Variants in TEX11 observed in about 807,000 individuals in gnomAD.
TEX11 encodes testis expressed 11.
TEX11 carries 7 observed loss-of-function variants against 84.4 expected under a neutral mutation model. That is an observed-to-expected ratio of 0.08 (90% CI 0.05 to 0.16). The LOEUF (loss-of-function observed/expected upper bound fraction) is 0.16. Among genes scored for constraint, TEX11 ranks in the 10% least tolerant of loss-of-function variants. TEX11 has a pLI of 1.00. For synonymous variants in TEX11, 264 were observed against 222.8 expected (o/e 1.18, Z -1.64); for missense variants, 551 against 660.5 (o/e 0.83, Z 1.82).
intron 18 of TEX11, 61 bp from the exon 19 acceptor site, chrX:70,624,985 C>G: frequency 2.5e-6 from 2 of 800,673 alleles, no homozygotes; most frequent in Non-Finnish European, 3.6e-6. Flanking sequence ...AAAATATTAT[C>G]TATATTCCTG....
intron 29 of TEX11, 32 bp downstream of exon 29, chrX:70,529,803 A>G (rs374801232): frequency 3.5e-5 from 41 of 1,178,967 alleles, no homozygotes; most frequent in Non-Finnish European, 4.4e-5. Context: ...CCCCTAGGTC[A>G]TGTCATCTGC....
At chrX:70,542,895 C>T (rs548312504) in intron 28 of TEX11, among the ~76,000 whole-genome samples, 2 of 112,517 alleles carry the variant, frequency 1.8e-5, no homozygotes, top group African/African-American at 6.4e-5. Context: ...AAATTAATCA[C>T]TGCAGGCTGG....
chrX:70,611,640 G>T (rs1266797348), intron 20 of TEX11, among the ~76,000 whole-genome samples: 1 of 111,474 alleles, frequency 9.0e-6, no homozygotes, highest in Non-Finnish European at 1.9e-5. Flanking sequence ...AACAAGTCTT[G>T]CCCTCAAGAG....
At chrX:70,698,587 A>G (rs2090300731) in intron 13 of TEX11, among the ~76,000 whole-genome samples, 1 of 109,484 alleles carries the variant, frequency 9.1e-6, no homozygotes, top group Admixed American at 9.8e-5. Flanking sequence ...AGGGGACAGG[A>G]AAAATTTGTG....
chrX:70,851,666 T>C (rs11094182), intron 7 of TEX11, among the ~76,000 whole-genome samples: 12 of 91,999 alleles, frequency 1.3e-4, no homozygotes, highest in East Asian at 3.6e-4. Flanking sequence ...ATTAAAAACA[T>C]ACACACACAC....
intron 25 of TEX11, among the ~76,000 whole-genome samples, chrX:70,589,315 T>A (rs921862928): frequency 9.1e-6 from 1 of 109,540 alleles, no homozygotes; most frequent in Non-Finnish European, 1.9e-5. Context: ...CTGAAGTCTA[T>A]ATATAAACTA....
Position 70,607,370 on chromosome X carries a change from C to T in TEX11, c.1880-341G>A, listed in dbSNP as rs1423392813. The stretch of plus-strand genomic sequence containing the variant: ...TTGGGAGACCAAGGCAGGAGGATTG[C>T]TGGAGGCCAGGAGTTCAGGACCAGC... On this transcript the variant is annotated intron_variant, in intron 22 of 29. Transcript: ENST00000374333. Among the ~76,000 whole-genome samples the T allele has an allele frequency of 2.7e-5, 3 of 110,645 alleles. No individual in the cohort carries two copies. In the East Asian group the frequency reaches 8.5e-4, roughly 31 times the overall value.
At chrX:70,639,398 G>A (rs1435863434) in intron 17 of TEX11, among the ~76,000 whole-genome samples, 6 of 112,062 alleles carry the variant, frequency 5.4e-5, no homozygotes, top group Non-Finnish European at 1.1e-4. Flanking sequence ...CGGGAAGCTC[G>A]AACTGAGTGG....
At chrX:70,678,464 G>GTT (rs57446987) in intron 15 of TEX11, among the ~76,000 whole-genome samples, 8,796 of 105,889 alleles carry the variant, frequency 0.083, 329 homozygotes, top group Non-Finnish European at 0.11. Flanking sequence ...TCTTGTAAAG[G>GTT]TTTTTTTTTC....
chrX:70,721,761 A>T (rs1376569904), intron 13 of TEX11, among the ~76,000 whole-genome samples: 1 of 112,046 alleles, frequency 8.9e-6, no homozygotes, highest in Non-Finnish European at 1.9e-5. Flanking sequence ...GGCAGAGTTG[A>T]CTAGTTGTGA....
chrX:70,661,461 C>T (rs1167429227), intron 16 of TEX11, among the ~76,000 whole-genome samples: 1 of 112,509 alleles, frequency 8.9e-6, no homozygotes, highest in Non-Finnish European at 1.9e-5. Flanking sequence ...AGGGCATAGC[C>T]AAACAAAAGG....
chrX:70,850,234 C>T (rs1470602593), intron 7 of TEX11, among the ~76,000 whole-genome samples: 3 of 111,845 alleles, frequency 2.7e-5, no homozygotes, highest in African/African-American at 9.7e-5. Flanking sequence ...CTGAGACAAA[C>T]ATCACTATAT....
In TEX11 at chrX:70,769,205, G is replaced by C. The variant is rs775879796; in HGVS notation, c.693-24986C>G. Among the ~76,000 whole-genome samples the C allele has an allele frequency of 9.0e-5, 10 of 111,114 alleles. No homozygotes were observed. In the South Asian group the frequency reaches 3.8e-3, roughly 42 times the overall value. On this transcript the variant is annotated intron_variant, in intron 9 of 29. Transcript: ENST00000374333. ...ACTAAGCATAAATCAAGCACAGAGG[G>C]GGGAAATTATAGATTACAATGGAAA...
intron 28 of TEX11, among the ~76,000 whole-genome samples, chrX:70,534,084 C>T (rs2147928223): frequency 1.3e-5 from 1 of 74,488 alleles, no homozygotes; most frequent in Non-Finnish European, 2.5e-5. Context: ...GAGCGAGACT[C>T]CATCTCAAAA....
the TEX11 span, among the ~76,000 whole-genome samples, chrX:70,519,815 T>C: frequency 4.5e-4 from 50 of 111,984 alleles, no homozygotes; most frequent in African/African-American, 1.6e-3. Flanking sequence ...TGTCTGTTTC[T>C]TTTTACTCTT....
At chrX:70,774,359 G>A (rs779039765) in intron 9 of TEX11, among the ~76,000 whole-genome samples, 4 of 108,015 alleles carry the variant, frequency 3.7e-5, no homozygotes, top group Admixed American at 3.0e-4. Context: ...ATTCAAAATA[G>A]TACTGGAAGT....
chrX:70,883,182 C>CTA (rs921762790), intron 2 of TEX11, among the ~76,000 whole-genome samples: 1 of 111,615 alleles, frequency 9.0e-6, no homozygotes, highest in South Asian at 3.7e-4. Context: ...CAGGGTCTTG[C>CTA]TATGTTGCCC....
At chrX:70,523,682 T>C in the TEX11 span, among the ~76,000 whole-genome samples, 1 of 109,270 alleles carries the variant, frequency 9.2e-6, no homozygotes, top group Non-Finnish European at 1.9e-5. Flanking sequence ...GCCAGGATGG[T>C]CTTGATCTCC....
At chrX:70,670,876 T>C in intron 15 of TEX11, among the ~76,000 whole-genome samples, 1 of 112,232 alleles carries the variant, frequency 8.9e-6, no homozygotes, top group East Asian at 2.8e-4. Context: ...CTAATGCAGC[T>C]ATTTTCATTT....
Sources: allele counts gnomAD v4.1 joint callset (sites outside exome capture counted in the v4.1 genomes callset), GRCh38; gene constraint gnomAD v4.1.1; transcripts MANE v1.5; gene names NCBI Gene and HGNC (gene_info 2026-07-23, HGNC 2026-07-21).